Variants in PTPRD observed in about 807,000 individuals in gnomAD.
PTPRD encodes protein tyrosine phosphatase receptor type D, also known as receptor-type tyrosine-protein phosphatase delta.
Under a neutral mutation model 214.5 loss-of-function variants are expected in PTPRD, and 34 were observed. That is an observed-to-expected ratio of 0.16 (90% CI 0.12 to 0.21). The LOEUF (loss-of-function observed/expected upper bound fraction) is 0.21. Ranked by LOEUF, PTPRD falls within the 10% of genes least tolerant of loss-of-function variation. The probability of loss-of-function intolerance (pLI) is 1.00; values close to 1 mark genes in which losing one functional copy is unlikely to be tolerated. For missense variants in PTPRD, 2,545 were observed against 2,398.7 expected (o/e 1.06, Z -1.27); for synonymous variants, 1,128 against 845.7 (o/e 1.33, Z -5.79).
intron 8 of PTPRD, among the ~76,000 whole-genome samples, chr9:9,463,481 G>T (rs1436119675): frequency 2.0e-5 from 3 of 152,030 alleles, no homozygotes; most frequent in Non-Finnish European, 2.9e-5. Flanking sequence ...CAAGCTGGAG[G>T]TGGAGGAGGC....
intron 11 of PTPRD, among the ~76,000 whole-genome samples, chr9:9,007,294 T>A (rs886870170): frequency 2.7e-5 from 4 of 150,920 alleles, no homozygotes; most frequent in Non-Finnish European, 5.9e-5. Flanking sequence ...TTGTTTTCCA[T>A]ACTAGATGAC....
intron 9 of PTPRD, among the ~76,000 whole-genome samples, chr9:9,303,257 A>T (rs866882636): frequency 6.6e-6 from 1 of 152,016 alleles, no homozygotes; most frequent in African/African-American, 2.4e-5. Flanking sequence ...TAATGATGTT[A>T]ATAAATTGGT....
At chr9:8,901,111 C>G (rs2098665331) in intron 11 of PTPRD, among the ~76,000 whole-genome samples, 1 of 152,102 alleles carries the variant, frequency 6.6e-6, no homozygotes, top group South Asian at 2.1e-4. Context: ...GGGCAAAACA[C>G]AAGGAACAGA....
intron 3 of PTPRD, among the ~76,000 whole-genome samples, chr9:10,185,673 T>A (rs1263929512): frequency 1.3e-5 from 2 of 152,156 alleles, no homozygotes; most frequent in Non-Finnish European, 2.9e-5. Flanking sequence ...ATGTCAGTTA[T>A]CTTCTGTTTA....
chr9:9,381,199 T>C (rs922288002), intron 9 of PTPRD, among the ~76,000 whole-genome samples: 18 of 152,228 alleles, frequency 1.2e-4, no homozygotes, highest in African/African-American at 4.3e-4. Context: ...ATTATTGATA[T>C]AGTTGTTTTA....
At chr9:8,344,757 T>C (rs571386518) in intron 39 of PTPRD, among the ~76,000 whole-genome samples, 2 of 152,180 alleles carry the variant, frequency 1.3e-5, no homozygotes, top group South Asian at 2.1e-4. Flanking sequence ...CAGACATCAA[T>C]GGCTGTGTGT....
intron 5 of PTPRD, among the ~76,000 whole-genome samples, chr9:9,873,698 TC>T (rs1273355282): frequency 6.6e-6 from 1 of 152,184 alleles, no homozygotes; most frequent in African/African-American, 2.4e-5. Flanking sequence ...ATGTAAATGC[TC>T]CAAACTGAGA....
intron 14 of PTPRD, among the ~76,000 whole-genome samples, chr9:8,568,451 T>C (rs75112293): frequency 1.3e-5 from 2 of 152,258 alleles, no homozygotes; most frequent in South Asian, 2.1e-4. Flanking sequence ...AAATCACCTA[T>C]AAAGAAATTG....
intron 10 of PTPRD, among the ~76,000 whole-genome samples, chr9:9,174,084 A>C (rs2099923141): frequency 1.3e-5 from 2 of 152,206 alleles, no homozygotes; most frequent in South Asian, 4.1e-4. Context: ...TATTGCATGA[A>C]AAAATAGTTT....
chr9:10,413,078 C>T (rs1364262358), intron 2 of PTPRD, among the ~76,000 whole-genome samples: 1 of 151,926 alleles, frequency 6.6e-6, no homozygotes, highest in Admixed American at 6.6e-5. Context: ...TCTCTCACCA[C>T]TCCTATTCAA....
At chr9:10,127,199 G>C (rs2154253933) in intron 3 of PTPRD, among the ~76,000 whole-genome samples, 1 of 152,222 alleles carries the variant, frequency 6.6e-6, no homozygotes, top group East Asian at 1.9e-4. Context: ...CTGAACTTCA[G>C]GTAGTAGTGG....
At chr9:8,903,070 G>A (rs566129548) in intron 11 of PTPRD, among the ~76,000 whole-genome samples, 2 of 151,862 alleles carry the variant, frequency 1.3e-5, no homozygotes, top group Admixed American at 6.5e-5. Context: ...ATCTCACCAC[G>A]TTTAGGAATC....
intron 12 of PTPRD, among the ~76,000 whole-genome samples, chr9:8,683,188 T>C (rs1212280664): frequency 1.3e-5 from 2 of 152,228 alleles, no homozygotes; most frequent in Non-Finnish European, 2.9e-5. Context: ...AAGCTGTATT[T>C]TCTGCATGTG....
intron 8 of PTPRD, among the ~76,000 whole-genome samples, chr9:9,420,211 G>A (rs972260853): frequency 3.3e-5 from 5 of 151,654 alleles, no homozygotes; most frequent in Admixed American, 2.6e-4. Flanking sequence ...AATTTTAATT[G>A]ACACAAACAA....
chr9:9,431,911 G>A (rs1249861760), intron 8 of PTPRD, among the ~76,000 whole-genome samples: 5 of 107,894 alleles, frequency 4.6e-5, no homozygotes, highest in Admixed American at 1.1e-4. Context: ...TGTGGGGTGG[G>A]GGGAGGGGGG....
At chr9:8,438,491 C>G (rs1269919969) in intron 34 of PTPRD, among the ~76,000 whole-genome samples, 2 of 152,116 alleles carry the variant, frequency 1.3e-5, no homozygotes, top group African/African-American at 4.8e-5. Flanking sequence ...AATGATAGAA[C>G]TGAAATAATT....
At chr9:9,458,178 T>A (rs1293576704) in intron 8 of PTPRD, among the ~76,000 whole-genome samples, 1 of 152,042 alleles carries the variant, frequency 6.6e-6, no homozygotes, top group African/African-American at 2.4e-5. Flanking sequence ...ACTCTAGATA[T>A]AATCTAGGTA....
At chr9:8,907,934 C>T (rs1441151579) in intron 11 of PTPRD, among the ~76,000 whole-genome samples, 1 of 152,078 alleles carries the variant, frequency 6.6e-6, no homozygotes, top group African/African-American at 2.4e-5. Context: ...AAACTATCAA[C>T]AGATCCAGGA....
At chr9:10,296,499 A>G (rs2095678336) in intron 3 of PTPRD, among the ~76,000 whole-genome samples, 1 of 152,070 alleles carries the variant, frequency 6.6e-6, no homozygotes, top group Admixed American at 6.6e-5. Flanking sequence ...CTTCTCTGCT[A>G]TATAAACCCC....
Sources: allele counts gnomAD v4.1 joint callset (sites outside exome capture counted in the v4.1 genomes callset), GRCh38; gene constraint gnomAD v4.1.1; transcripts MANE v1.5; gene names NCBI Gene and HGNC (gene_info 2026-07-23, HGNC 2026-07-21).